The following AHI1 variants were observed in gnomAD, a reference collection of about 807,000 sequenced individuals.
AHI1 encodes Abelson helper integration site 1.
AHI1 carries 123 observed loss-of-function variants against 149.3 expected under a neutral mutation model. The ratio of observed to expected loss-of-function variants is 0.82; its 90% CI spans 0.71 to 0.96. The LOEUF (loss-of-function observed/expected upper bound fraction) is 0.96, where lower values mean the gene tolerates loss of function less well. AHI1 is among the 40% of genes least tolerant of loss of function. The probability of loss-of-function intolerance (pLI) is 0.00; values close to 1 mark genes in which losing one functional copy is unlikely to be tolerated. For synonymous variants in AHI1, 475 were observed against 459.8 expected, an observed-to-expected ratio of 1.03 and a Z score of -0.42; for missense variants, 1,439 against 1,422.7, an observed-to-expected ratio of 1.01 and a Z score of -0.18.
intron 24 of AHI1, among the ~76,000 whole-genome samples, chr6:135,331,930 TGGTA>T (rs1163615339): frequency 6.6e-6 from 1 of 152,192 alleles, no homozygotes; most frequent in Non-Finnish European, 1.5e-5. Flanking sequence ...ACCAAGTTTG[TGGTA>T]GTTTGCTACA....
chr6:135,445,598 GATCTCATTCT>G (rs1329050885), intron 13 of AHI1, among the ~76,000 whole-genome samples: 1 of 152,000 alleles, frequency 6.6e-6, no homozygotes, highest in Non-Finnish European at 1.5e-5. Flanking sequence ...AAAGAGATGG[GATCTCATTCT>G]GTCATCCAGG....
intron 22 of AHI1, among the ~76,000 whole-genome samples, chr6:135,396,311 C>G (rs1468510813): frequency 1.3e-5 from 2 of 151,664 alleles, no homozygotes; most frequent in African/African-American, 4.8e-5. Context: ...AAACAACAAA[C>G]TCATTTGATA....
intron 23 of AHI1, among the ~76,000 whole-genome samples, chr6:135,365,958 G>A (rs1290709437): frequency 6.6e-6 from 1 of 152,134 alleles, no homozygotes; most frequent in East Asian, 1.9e-4. Flanking sequence ...GTCACAGATG[G>A]CTCTTATTAC....
intron 21 of AHI1, among the ~76,000 whole-genome samples, chr6:135,405,631 C>T (rs1247589229): frequency 6.6e-6 from 1 of 151,956 alleles, no homozygotes; most frequent in Non-Finnish European, 1.5e-5. Context: ...GAGGCCGAGG[C>T]AGGCAGATCA....
intron 28 of AHI1, among the ~76,000 whole-genome samples, chr6:135,288,309 A>G (rs1781934479): frequency 6.6e-6 from 1 of 152,032 alleles, no homozygotes; most frequent in Non-Finnish European, 1.5e-5. Flanking sequence ...TGTAAGAGAA[A>G]CAGCCCTGAA....
intron 23 of AHI1, among the ~76,000 whole-genome samples, chr6:135,380,032 C>A (rs1015112891): frequency 7.2e-6 from 1 of 139,182 alleles, no homozygotes; most frequent in Non-Finnish European, 1.6e-5. Context: ...TCCTTCCTTC[C>A]TCCCTCCCTC....
chr6:135,326,374 T>C (rs1430830800), intron 24 of AHI1, among the ~76,000 whole-genome samples: 2 of 152,176 alleles, frequency 1.3e-5, no homozygotes, highest in African/African-American at 4.8e-5. Flanking sequence ...GCTAGCACCT[T>C]GATCTTGGTC....
At chr6:135,338,665 A>T (rs1467720263) in intron 24 of AHI1, among the ~76,000 whole-genome samples, 4 of 152,228 alleles carry the variant, frequency 2.6e-5, no homozygotes, top group Non-Finnish European at 5.9e-5. Context: ...GATTTTAAGA[A>T]TAACAGCCAA....
intron 11 of AHI1, 57 bp downstream of exon 11, chr6:135,453,284 C>A (rs186006324): frequency 7.5e-7 from 1 of 1,330,128 alleles, no homozygotes; most frequent in East Asian, 2.5e-5. Flanking sequence ...TGGGAGAAAG[C>A]AGCCAACTAA....
Position 135,286,103 on chromosome 6 carries a change from A to G in AHI1, c.3589-456T>C, listed in dbSNP as rs185497519. Among the ~76,000 whole-genome samples the G allele has an allele frequency of 1.1e-3, 168 of 152,364 alleles. 5 individuals are homozygous for G. The highest frequency in any genetic ancestry group is 9.1e-3 in the Admixed American group (140 of 15,306). On this transcript the variant is annotated intron_variant, in intron 28 of 28. Coordinates refer to ENST00000265602, the MANE Select transcript of AHI1 (RefSeq NM_001134831.2). Reference sequence around the variant, plus strand: ...TAAATAGCATTCTTTCATTTAGTCTATGGCTATGCCTACTTTTATATAATT... The same window carrying G: ...TAAATAGCATTCTTTCATTTAGTCTGTGGCTATGCCTACTTTTATATAATT...
intron 26 of AHI1, among the ~76,000 whole-genome samples, chr6:135,304,191 A>C (rs941146320): frequency 2.0e-5 from 3 of 152,064 alleles, no homozygotes; most frequent in African/African-American, 7.2e-5. Context: ...AGTAGCTGGG[A>C]CTACAGGTGT....
intron 13 of AHI1, among the ~76,000 whole-genome samples, chr6:135,445,122 C>A (rs901942057): frequency 1.5e-4 from 23 of 152,276 alleles, no homozygotes; most frequent in African/African-American, 5.3e-4. Flanking sequence ...AGTATTCTAA[C>A]TCAAAGTGAT....
At chr6:135,449,077 C>T (rs1322644546) in intron 11 of AHI1, among the ~76,000 whole-genome samples, 2 of 152,034 alleles carry the variant, frequency 1.3e-5, no homozygotes, top group Non-Finnish European at 2.9e-5. Context: ...GGCAGAATCT[C>T]GCTCTGTTAT....
At chr6:135,388,030 C>T (rs200151742) in intron 23 of AHI1, 8 of 1,613,602 alleles carry the variant, frequency 5.0e-6, no homozygotes, top group African/African-American at 4.0e-5. Flanking sequence ...AGCAAAGTGA[C>T]TGTCTGGAAA....
At position 135,293,406 on chromosome 6, in the gene AHI1, G is replaced by GA. The variant is rs71547029; in HGVS notation, c.3486-2882dup. 9.9e-3 allele frequency among the ~76,000 whole-genome samples: 652 copies of GA among 65,638 alleles called. 4 individuals carry two copies. The highest frequency in any genetic ancestry group is 0.012 in the South Asian group (27 of 2,226). 43.1% of individuals were successfully genotyped at this position (65,638 alleles called of 152,430 possible). On this transcript the variant is annotated intron_variant, in intron 27 of 28. Transcript: ENST00000265602. Reference sequence around the variant, plus strand: ...TGTTAACAGGGCAAAAAAAAAAAAAGAAAAAAAAAAAAAAAAAAGAAAAAA... The same window carrying GA: ...TGTTAACAGGGCAAAAAAAAAAAAAGAAAAAAAAAAAAAAAAAAAGAAAAAA...
intron 3 of AHI1, 35 bp downstream of exon 3, chr6:135,495,779 A>G (rs1795879700): frequency 6.6e-6 from 1 of 152,254 alleles, no homozygotes; most frequent in African/African-American, 2.4e-5. Context: ...GCGAGTAAAA[A>G]AGACTCAGGC....
chr6:135,468,169 T>C (rs1415254921), intron 5 of AHI1, among the ~76,000 whole-genome samples: 3 of 152,186 alleles, frequency 2.0e-5, no homozygotes, highest in Admixed American at 6.5e-5. Flanking sequence ...TTCCAAATTC[T>C]ATCTGTTCTT....
chr6:135,462,358 A>G (rs1005259372), intron 8 of AHI1, among the ~76,000 whole-genome samples: 3 of 152,084 alleles, frequency 2.0e-5, no homozygotes, highest in Non-Finnish European at 4.4e-5. Flanking sequence ...AGAAATCAAC[A>G]AGGCAAAGAG....
intron 23 of AHI1, among the ~76,000 whole-genome samples, chr6:135,378,012 C>T (rs1776196954): frequency 1.3e-5 from 2 of 152,162 alleles, no homozygotes; most frequent in South Asian, 4.2e-4. Flanking sequence ...ACTGTCCCAA[C>T]CAGAGATATC....
Sources: allele counts gnomAD v4.1 joint callset (sites outside exome capture counted in the v4.1 genomes callset), GRCh38; gene constraint gnomAD v4.1.1; transcripts MANE v1.5; gene names NCBI Gene and HGNC (gene_info 2026-07-23, HGNC 2026-07-21).